The following RNF144B variants were observed in gnomAD, a reference collection of about 807,000 sequenced individuals.
The protein encoded by RNF144B is E3 ubiquitin-protein ligase RNF144B.
In RNF144B, 25 loss-of-function variants were observed where a neutral mutation model predicts 40.2. The observed-to-expected ratio is 0.62, with a 90% confidence interval of 0.45 to 0.87. RNF144B has a LOEUF of 0.87. RNF144B is among the 40% of genes least tolerant of loss of function. The probability of loss-of-function intolerance (pLI) is 0.00; values close to 1 mark genes in which losing one functional copy is unlikely to be tolerated. For synonymous variants in RNF144B, 145 were observed against 136.3 expected, an observed-to-expected ratio of 1.06 and a Z score of -0.44; for missense variants, 365 against 373.7, an observed-to-expected ratio of 0.98 and a Z score of 0.19.
chr6:18,437,173 T>A (rs745899487), intron 3 of RNF144B, among the ~76,000 whole-genome samples: 2 of 152,134 alleles, frequency 1.3e-5, no homozygotes, highest in Non-Finnish European at 2.9e-5. Context: ...TGCAACTGGC[T>A]CATGTCTGTA....
intron 2 of RNF144B, among the ~76,000 whole-genome samples, chr6:18,411,694 G>A (rs963368403): frequency 2.6e-5 from 4 of 150,948 alleles, no homozygotes; most frequent in African/African-American, 9.7e-5. Context: ...AGTACAGAGG[G>A]GGTTGGCCAG....
rs1173626224 is a variant in RNF144B, at chr6:18,441,118, C to A, written c.331+1374C>A. Among the ~76,000 whole-genome samples the A allele has an allele frequency of 6.6e-6, 1 of 152,104 alleles. No homozygotes were observed. Among genetic ancestry groups the A allele is most frequent in the African/African-American group, 2.4e-5 (1 of 41,430 alleles). ...ATATTGACTCTCTCTAATCCATCCACATGGGCCGATTAGATTGAGCATTAT... is the reference window on the plus strand; with the variant it reads ...ATATTGACTCTCTCTAATCCATCCAAATGGGCCGATTAGATTGAGCATTAT... On this transcript the variant is annotated intron_variant, in intron 4 of 7. Coordinates refer to ENST00000259939, the MANE Select transcript of RNF144B (RefSeq NM_182757.4). This position sits in a 1 kb window ranked among gnomAD's most constrained non-coding sequence, Gnocchi z 4.9.
chr6:18,403,656 A>G (rs1794836564), intron 2 of RNF144B, among the ~76,000 whole-genome samples: 2 of 152,218 alleles, frequency 1.3e-5, no homozygotes, highest in African/African-American at 4.8e-5. Context: ...AAAAGCCCAC[A>G]GTTGGTTTGG....
At chr6:18,415,603 C>G (rs779635075) in intron 2 of RNF144B, among the ~76,000 whole-genome samples, 5 of 152,170 alleles carry the variant, frequency 3.3e-5, no homozygotes, top group Non-Finnish European at 7.3e-5. Flanking sequence ...CACCATCATT[C>G]AAATCATAGC....
chr6:18,444,775 A>G lies in RNF144B; in HGVS notation c.331+5031A>G, dbSNP rs1378477682. Among the ~76,000 whole-genome samples, 1 of 152,190 alleles carries G rather than the reference A, an allele frequency of 6.6e-6. No homozygotes were observed. Among genetic ancestry groups the G allele is most frequent in the East Asian group, 1.9e-4 (1 of 5,194 alleles). On this transcript the variant is annotated intron_variant, in intron 4 of 7. Coordinates refer to ENST00000259939, the MANE Select transcript of RNF144B (RefSeq NM_182757.4). The surrounding 1 kb of genome is among the most constrained non-coding windows in gnomAD (Gnocchi z 4.3). ...GTGCTTATTTATGTATTGCGTGTCT[A>G]TCCTATGCCAGGTGCCATTCCAATG...
chr6:18,397,005 C>A (rs1794706146), intron 1 of RNF144B, among the ~76,000 whole-genome samples: 1 of 152,222 alleles, frequency 6.6e-6, no homozygotes, highest in Middle Eastern at 3.4e-3. Context: ...GAGAAAAAAA[C>A]CATGTCTTCC....
intron 2 of RNF144B, among the ~76,000 whole-genome samples, chr6:18,407,901 G>A (rs552992521): frequency 9.9e-4 from 151 of 151,892 alleles, no homozygotes; most frequent in Middle Eastern, 3.5e-3. Context: ...TCTATGACTC[G>A]AATCAAGTTA....
At chr6:18,426,464 A>G (rs1162499877) in intron 2 of RNF144B, among the ~76,000 whole-genome samples, 1 of 152,214 alleles carries the variant, frequency 6.6e-6, no homozygotes, top group East Asian at 1.9e-4. Flanking sequence ...ATAGAGAGGA[A>G]TAGGGTGAGG....
In RNF144B at chr6:18,444,028, T is replaced by G. The variant is rs1759023034; in HGVS notation, c.331+4284T>G. Among the ~76,000 whole-genome samples, 1 of 152,220 alleles carries G rather than the reference T, an allele frequency of 6.6e-6. No individual in the cohort carries two copies. Among genetic ancestry groups the G allele is most frequent in the Non-Finnish European group, 1.5e-5 (1 of 68,042 alleles). ...CTTAGTTATAAAAAATCATCCTTAG[T>G]TTTTTCCAATTCTTAGTGCCTGCCA... is the stretch of plus-strand genomic sequence containing the variant. On this transcript the variant is annotated intron_variant, in intron 4 of 7. Transcript: ENST00000259939. This position sits in a 1 kb window ranked among gnomAD's most constrained non-coding sequence, Gnocchi z 4.3.
intron 2 of RNF144B, among the ~76,000 whole-genome samples, chr6:18,424,428 T>C (rs370219465): frequency 2.8e-4 from 43 of 152,320 alleles, no homozygotes; most frequent in African/African-American, 1.0e-3. Context: ...ATCTCTATCT[T>C]GAACCAGTGT....
At position 18,448,265 on chromosome 6, in the gene RNF144B, G is replaced by A. The variant is rs532802227; in HGVS notation, c.331+8521G>A. Among the ~76,000 whole-genome samples, 4 of 152,036 alleles carry A rather than the reference G, an allele frequency of 2.6e-5. No homozygotes were observed. The highest frequency in any genetic ancestry group is 1.3e-4 in the Admixed American group (2 of 15,234). On this transcript the variant is annotated intron_variant, in intron 4 of 7. Coordinates refer to ENST00000259939, the MANE Select transcript of RNF144B (RefSeq NM_182757.4). The surrounding 1 kb of genome is among the most constrained non-coding windows in gnomAD (Gnocchi z 4.0). ...AAATCCTTGAGAGTGTGAGGGGAAC[G>A]GATTTCAGTGCCAGATGGAGGGATT... is the stretch of plus-strand genomic sequence containing the variant.
chr6:18,436,807 A>AT (rs1758833137), intron 3 of RNF144B, among the ~76,000 whole-genome samples: 1 of 151,896 alleles, frequency 6.6e-6, no homozygotes, highest in Non-Finnish European at 1.5e-5. Context: ...TAATATTTCA[A>AT]TTTTACAGTT....
Position 18,412,238 on chromosome 6 carries a change from C to G in RNF144B, c.165+12539C>G, listed in dbSNP as rs6931433. On this transcript the variant is annotated intron_variant, in intron 2 of 7. Coordinates refer to ENST00000259939, the MANE Select transcript of RNF144B (RefSeq NM_182757.4). The surrounding 1 kb of genome is among the most constrained non-coding windows in gnomAD (Gnocchi z 4.2). ...CAACAGAGTAGGAACAGAGGCCTCT[C>G]TTTTGACACTCCGGGTATTTTCCAA... is the stretch of plus-strand genomic sequence containing the variant. Among the ~76,000 whole-genome samples, 24,056 of 152,154 alleles carry G rather than the reference C, an allele frequency of 0.16. 2,388 individuals are homozygous for G. The highest frequency in any genetic ancestry group is 0.42 in the East Asian group (2,181 of 5,148).
At chr6:18,389,675 T>C (rs1030336713) in intron 1 of RNF144B, among the ~76,000 whole-genome samples, 1 of 152,154 alleles carries the variant, frequency 6.6e-6, no homozygotes, top group African/African-American at 2.4e-5. Flanking sequence ...TGAACCCAGA[T>C]GTTACTGAAG....
rs1340449594 is a variant in RNF144B at position 18,466,953 on chromosome 6, A to AAATTTCTC, written c.*1890_*1897dup. ...AAAATCATTTTTAATCATTTATTAG[A>AAATTTCTC]AATTTCTCAATATTGTGTCTTTTTC... On this transcript the variant is annotated 3_prime_UTR_variant, in exon 8 of 8. Transcript: ENST00000259939. The AAATTTCTC allele has an allele frequency of 6.6e-6, 1 of 152,636 alleles. No individual in the cohort carries two copies. Among genetic ancestry groups the AAATTTCTC allele is most frequent in the East Asian group, 1.9e-4 (1 of 5,198 alleles). 9.5% of individuals were successfully genotyped at this position (152,636 alleles called of 1,614,324 possible).
At position 18,444,641 on chromosome 6, in the gene RNF144B, A is replaced by C. The variant is rs527596106; in HGVS notation, c.331+4897A>C. Among the ~76,000 whole-genome samples the C allele has an allele frequency of 6.6e-6, 1 of 152,138 alleles. No homozygotes were observed. Reference sequence around the variant, plus strand: ...CATATAGCAGTTTAAGAACTCTTACAGAAGGGTTGTGTCATATTGTTCTCC... The same window carrying C: ...CATATAGCAGTTTAAGAACTCTTACCGAAGGGTTGTGTCATATTGTTCTCC... On this transcript the variant is annotated intron_variant, in intron 4 of 7. Coordinates refer to ENST00000259939, the MANE Select transcript of RNF144B (RefSeq NM_182757.4). This position sits in a 1 kb window ranked among gnomAD's most constrained non-coding sequence, Gnocchi z 4.3.
rs1472810451 is a variant in RNF144B at position 18,412,774 on chromosome 6, C to T, written c.165+13075C>T. On this transcript the variant is annotated intron_variant, in intron 2 of 7. Coordinates refer to ENST00000259939, the MANE Select transcript of RNF144B (RefSeq NM_182757.4). This position sits in a 1 kb window ranked among gnomAD's most constrained non-coding sequence, Gnocchi z 4.2. ...GTACCCCTTGGAATCAGGTGAGACACAGTGCCTCATTTCCATGGAAATACA... is the reference window on the plus strand; with the variant it reads ...GTACCCCTTGGAATCAGGTGAGACATAGTGCCTCATTTCCATGGAAATACA... Among the ~76,000 whole-genome samples the T allele has an allele frequency of 1.3e-5, 2 of 152,158 alleles. No individual in the cohort carries two copies. The highest frequency in any genetic ancestry group is 4.8e-5 in the African/African-American group (2 of 41,430).
At position 18,459,144 on chromosome 6, in the gene RNF144B, G is replaced by T. The variant is rs1215616428; in HGVS notation, c.537-463G>T. ...CCCCTTGGGGCTGTGAGCCTGTATT[G>T]GTCTATTCGTCTGTTTGGAGAAGGT... On this transcript the variant is annotated intron_variant, in intron 5 of 7. Coordinates refer to ENST00000259939, the MANE Select transcript of RNF144B (RefSeq NM_182757.4). The surrounding 1 kb of genome is among the most constrained non-coding windows in gnomAD (Gnocchi z 4.2). Among the ~76,000 whole-genome samples, 1 of 152,058 alleles carries T rather than the reference G, an allele frequency of 6.6e-6. No individual in the cohort carries two copies. The highest frequency in any genetic ancestry group is 1.5e-5 in the Non-Finnish European group (1 of 68,012).
At chr6:18,449,327 T>C (rs1759156182) in intron 4 of RNF144B, among the ~76,000 whole-genome samples, 1 of 152,234 alleles carries the variant, frequency 6.6e-6, no homozygotes, top group South Asian at 2.1e-4. Context: ...TCAGTAACTC[T>C]CAAAAGCAAG....
Sources: gnomAD v4.1 joint callset for allele counts (sites outside exome capture counted in the v4.1 genomes callset) on GRCh38, gnomAD v4.1.1 for gene constraint, Gnocchi (gnomAD v3.1) non-coding constraint, MANE v1.5 for transcripts, NCBI Gene and HGNC (gene_info 2026-07-23, HGNC 2026-07-21) for gene names.